The following UTY variants were observed in gnomAD, a reference collection of about 807,000 sequenced individuals.
UTY encodes histone demethylase UTY.
A neutral mutation model predicts 32.5 loss-of-function variants in UTY; 12 were observed. That is an observed-to-expected ratio of 0.37 (90% confidence interval 0.24 to 0.60). UTY has a LOEUF of 0.60. Ranked by LOEUF, UTY falls within the 20% of genes least tolerant of loss-of-function variation. UTY has a pLI of 0.69. For synonymous variants in UTY, 131 were observed against 103.4 expected (o/e 1.27, Z -1.62); for missense variants, 303 against 299.2 (o/e 1.01, Z -0.09).
chrY:13,327,929 C>T (rs755368180), intron 18 of UTY, among the ~76,000 whole-genome samples: 5 of 33,508 alleles, frequency 1.5e-4, no homozygotes, highest in South Asian at 6.5e-4. Flanking sequence ...CAACCACCTC[C>T]GTAAAAAAAG....
Position 13,299,078 on chromosome Y carries a change from G to A in UTY, c.3747C>T (p.Val1249=). 2.6e-6 allele frequency: 1 copy of A among 390,415 alleles called. No homozygotes were observed. Among genetic ancestry groups the A allele is most frequent in the African/African-American group, 6.7e-5 (1 of 14,938 alleles). ...GTCGCTGAATAAATCTATACACAGG[G>A]ACATTTGCTTCATAAAGATCTTCAA... ...PNLEDLYEAN[V]PVYRFIQRPG... The change falls in exon 26 of 30, where the codon GTC becomes GTT. Residue 1249 remains valine (V), a synonymous_variant. Transcript: ENST00000545955.
chrY:13,266,671 C>T (rs1603273595), intron 27 of UTY, among the ~76,000 whole-genome samples: 2 of 33,238 alleles, frequency 6.0e-5, no homozygotes, highest in Non-Finnish European at 1.5e-4. Context: ...CTCTATACAA[C>T]GCTTTAGCTG....
At chrY:13,352,953 T>C (rs2062547858) in intron 17 of UTY, among the ~76,000 whole-genome samples, 5 of 33,730 alleles carry the variant, frequency 1.5e-4, no homozygotes, top group Non-Finnish European at 3.7e-4. Flanking sequence ...CTGAAGCCAG[T>C]AGAAGTTGGT....
chrY:13,429,576 A>G (rs2073758261), intron 4 of UTY, among the ~76,000 whole-genome samples: 2 of 32,589 alleles, frequency 6.1e-5, no homozygotes, highest in Non-Finnish European at 1.5e-4. Flanking sequence ...CAAAGAGTCA[A>G]TATGTCTGTA....
chrY:13,270,081 G>A, intron 27 of UTY, among the ~76,000 whole-genome samples: 1 of 33,867 alleles, frequency 3.0e-5, no homozygotes, highest in Non-Finnish European at 7.4e-5. Context: ...ATGAAAAGGC[G>A]TGGAATAAAA....
At position 13,396,926 on chromosome Y, in the gene UTY, T is replaced by C. The variant is rs1603449870; in HGVS notation, c.602A>G (p.Asn201Ser). 2.8e-6 allele frequency: 1 copy of C among 361,678 alleles called. No individual in the cohort carries two copies. The allele number at this position is 361,678 out of a possible 400,897, so 90.2% of individuals were successfully genotyped here. A position where few individuals can be genotyped will look rare whatever the true frequency, so the allele number is the denominator to read the frequency against. ...CATTTAAAAATACTTACTTTCAGCA[T>C]TGGACAAAGTACATGGATTACAGTC... ...LIDCNPCTLS[N>S]AEIQFHIAHL... Residue 201 changes from asparagine to serine, a missense_variant, in exon 7 of 30, where the codon AAT becomes AGT. Physicochemically the swap from Asn to Ser is conservative, Grantham distance 46 (BLOSUM62 1). Transcript: ENST00000545955.
intron 8 of UTY, among the ~76,000 whole-genome samples, chrY:13,373,626 G>A (rs2149370991): frequency 6.0e-5 from 2 of 33,095 alleles, no homozygotes; most frequent in Non-Finnish European, 1.5e-4. Context: ...ATGGTGGCAC[G>A]TGCCTATAGT....
At chrY:13,321,576 A>G (rs2059838797) in intron 21 of UTY, among the ~76,000 whole-genome samples, 1 of 33,424 alleles carries the variant, frequency 3.0e-5, no homozygotes, top group Admixed American at 2.7e-4. Flanking sequence ...GAGGCTAATC[A>G]TAAACTCAAA....
chrY:13,257,211 G>A, intron 28 of UTY, among the ~76,000 whole-genome samples: 3 of 33,919 alleles, frequency 8.8e-5, no homozygotes, highest in Non-Finnish European at 2.2e-4. Flanking sequence ...ATGCCAATCA[G>A]GAGAGTCTTC....
At chrY:13,274,812 A>AATAT (rs2056575021) in intron 27 of UTY, among the ~76,000 whole-genome samples, 1 of 31,516 alleles carries the variant, frequency 3.2e-5, no homozygotes, top group Non-Finnish European at 7.7e-5. Flanking sequence ...TAAATAAATA[A>AATAT]ATAAAAATAA....
chrY:13,436,054 T>G (rs2074522302), intron 4 of UTY, among the ~76,000 whole-genome samples: 1 of 32,940 alleles, frequency 3.0e-5, no homozygotes, highest in Non-Finnish European at 7.5e-5. Context: ...ACCACTCATG[T>G]GACATTCAGC....
chrY:13,310,258 AGCCT>A (rs2058960202), intron 21 of UTY, among the ~76,000 whole-genome samples: 1 of 31,322 alleles, frequency 3.2e-5, no homozygotes, highest in African/African-American at 1.3e-4. Flanking sequence ...TCATGCTCAG[AGCCT>A]AGATTTATCA....
chrY:13,461,271 G>C (rs2077345264), intron 3 of UTY, among the ~76,000 whole-genome samples: 3 of 29,166 alleles, frequency 1.0e-4, no homozygotes, highest in African/African-American at 4.1e-4. Context: ...AGGACAGGGT[G>C]GGGGGCGCGG....
intron 4 of UTY, among the ~76,000 whole-genome samples, chrY:13,428,534 T>TC (rs2073627381): frequency 3.0e-5 from 1 of 33,608 alleles, no homozygotes; most frequent in Non-Finnish European, 7.4e-5. Flanking sequence ...TTGATTCTGT[T>TC]CCAGCAACCT....
intron 4 of UTY, among the ~76,000 whole-genome samples, chrY:13,434,724 G>T (rs777554568): frequency 3.0e-5 from 1 of 33,560 alleles, no homozygotes; most frequent in African/African-American, 1.2e-4. Context: ...TTTAGCCAGA[G>T]GATATAACAA....
downstream of UTY, among the ~76,000 whole-genome samples, chrY:13,246,040 C>G (rs2053944422): frequency 3.0e-5 from 1 of 33,306 alleles, no homozygotes; most frequent in Middle Eastern, 0.013. Flanking sequence ...ACTGCAAGCT[C>G]TGCCTCCCAG....
At chrY:13,280,734 G>A in intron 27 of UTY, among the ~76,000 whole-genome samples, 1 of 32,545 alleles carries the variant, frequency 3.1e-5, no homozygotes, top group Admixed American at 2.8e-4. Context: ...AGGCTGTCTT[G>A]AACTCCTGAA....
At chrY:13,394,956 C>T (rs767601938) in intron 7 of UTY, among the ~76,000 whole-genome samples, 1 of 33,111 alleles carries the variant, frequency 3.0e-5, no homozygotes, top group Admixed American at 2.8e-4. Context: ...TAAGTTCCCC[C>T]ATATCTAACA....
At chrY:13,309,191 T>C (rs543874669) in intron 21 of UTY, among the ~76,000 whole-genome samples, 28 of 34,044 alleles carry the variant, frequency 8.2e-4, no homozygotes, top group African/African-American at 3.2e-3. Flanking sequence ...TAAATTATCT[T>C]GATGAAGCAG....
Sources: gnomAD v4.1 joint callset for allele counts (sites outside exome capture counted in the v4.1 genomes callset) on GRCh38, gnomAD v4.1.1 for gene constraint, MANE v1.5 for transcripts, NCBI Gene and HGNC (gene_info 2026-07-23, HGNC 2026-07-21) for gene names.